SLC35F1: variants seen among roughly 807,000 people sequenced by gnomAD.
The protein encoded by SLC35F1 is chromosome 6 open reading frame 169.
A neutral mutation model predicts 48.7 loss-of-function variants in SLC35F1; 14 were observed. That is an observed-to-expected ratio of 0.29 (90% CI 0.19 to 0.45). The LOEUF is 0.45. SLC35F1 is among the 20% of genes least tolerant of loss of function. The probability of loss-of-function intolerance (pLI) is 1.00; values close to 1 mark genes in which losing one functional copy is unlikely to be tolerated. For missense variants in SLC35F1, 404 were observed against 500.0 expected, an observed-to-expected ratio of 0.81 and a Z score of 1.83; for synonymous variants, 190 against 202.2, an observed-to-expected ratio of 0.94 and a Z score of 0.51.
At chr6:118,136,161 A>T (rs1773791688) in intron 1 of SLC35F1, among the ~76,000 whole-genome samples, 1 of 152,164 alleles carries the variant, frequency 6.6e-6, no homozygotes, top group African/African-American at 2.4e-5. Context: ...TTAACTGGCC[A>T]TGGTGTACAG....
rs57832608 is a variant in SLC35F1 at position 118,309,169 on chromosome 6, ATGTGTGTGTGTGTG to A, written c.1003-4838_1003-4825del. 9.2e-3 allele frequency among the ~76,000 whole-genome samples: 1,369 copies of A among 148,192 alleles called. 25 individuals are homozygous for A. The highest frequency in any genetic ancestry group is 0.032 in the African/African-American group (1,303 of 40,316). ...TCAGGTCACCAGAAGGGGCCTGTAGATGTGTGTGTGTGTGTGTGTGTGTGTGTGTGTGTGCGTGT... is the reference window on the plus strand; with the variant it reads ...TCAGGTCACCAGAAGGGGCCTGTAGATGTGTGTGTGTGTGTGTGTGCGTGT... On this transcript the variant is annotated intron_variant, in intron 7 of 7. Transcript: ENST00000360388.
intron 2 of SLC35F1, among the ~76,000 whole-genome samples, chr6:118,230,157 T>C (rs1055035601): frequency 2.6e-5 from 4 of 152,024 alleles, no homozygotes; most frequent in Non-Finnish European, 5.9e-5. Flanking sequence ...CTGGCCAACA[T>C]GGTGAAACCT....
intron 1 of SLC35F1, among the ~76,000 whole-genome samples, chr6:117,913,059 T>C (rs1775783197): frequency 6.6e-6 from 1 of 152,224 alleles, no homozygotes; most frequent in East Asian, 1.9e-4. Flanking sequence ...TGTTTTATTA[T>C]GTAGTTGCCA....
intron 1 of SLC35F1, among the ~76,000 whole-genome samples, chr6:117,960,896 G>C (rs1776489137): frequency 6.6e-6 from 1 of 152,030 alleles, no homozygotes; most frequent in Non-Finnish European, 1.5e-5. Flanking sequence ...TCATTGACTG[G>C]GCTCTTTCCA....
At chr6:117,949,453 C>T (rs764284189) in intron 1 of SLC35F1, among the ~76,000 whole-genome samples, 4 of 151,946 alleles carry the variant, frequency 2.6e-5, no homozygotes, top group Non-Finnish European at 4.4e-5. Flanking sequence ...TTATTTTTTT[C>T]GAGTAGTTAT....
intron 3 of SLC35F1, among the ~76,000 whole-genome samples, chr6:118,247,365 G>A (rs1198244056): frequency 6.6e-6 from 1 of 152,122 alleles, no homozygotes; most frequent in Non-Finnish European, 1.5e-5. Context: ...TGCTAGATAG[G>A]AACAAAATTA....
intron 1 of SLC35F1, among the ~76,000 whole-genome samples, chr6:117,967,820 C>G (rs947000944): frequency 6.6e-6 from 1 of 152,102 alleles, no homozygotes; most frequent in African/African-American, 2.4e-5. Context: ...TTGGGGGAGC[C>G]ATTTCAATCC....
intron 1 of SLC35F1, among the ~76,000 whole-genome samples, chr6:118,112,081 TCTTTC>T (rs1562293428): frequency 7.6e-6 from 1 of 131,442 alleles, no homozygotes; most frequent in Non-Finnish European, 1.6e-5. Context: ...TTTCTTTATT[TCTTTC>T]TTTTCTTTTC....
At chr6:118,009,420 G>T (rs1777217264) in intron 1 of SLC35F1, among the ~76,000 whole-genome samples, 1 of 152,156 alleles carries the variant, frequency 6.6e-6, no homozygotes, top group Non-Finnish European at 1.5e-5. Flanking sequence ...AATGCCACCT[G>T]GTCCGGCTTG....
At chr6:118,275,840 T>C (rs1322809764) in intron 5 of SLC35F1, among the ~76,000 whole-genome samples, 1 of 152,192 alleles carries the variant, frequency 6.6e-6, no homozygotes, top group African/African-American at 2.4e-5. Flanking sequence ...TATAAAACAT[T>C]GTAAATAATT....
intron 2 of SLC35F1, among the ~76,000 whole-genome samples, chr6:118,218,462 A>T (rs1775103555): frequency 6.6e-6 from 1 of 152,140 alleles, no homozygotes; most frequent in Non-Finnish European, 1.5e-5. Context: ...ATTAGATCTA[A>T]GATGTAAGAA....
intron 1 of SLC35F1, among the ~76,000 whole-genome samples, chr6:117,941,231 T>A (rs1416419): frequency 0.76 from 115,804 of 152,030 alleles, 44,337 homozygotes; most frequent in South Asian, 0.89. Flanking sequence ...TGAAAGCTCT[T>A]GTACCTCTTG....
chr6:117,926,856 A>T (rs1776035411), intron 1 of SLC35F1, among the ~76,000 whole-genome samples: 1 of 152,138 alleles, frequency 6.6e-6, no homozygotes. Flanking sequence ...AGTGAATTTG[A>T]GTAGGGGAGC....
In SLC35F1 at chr6:117,938,965, C is replaced by T. The variant is rs374578456; in HGVS notation, c.173+31066C>T. On this transcript the variant is annotated intron_variant, in intron 1 of 7. Transcript: ENST00000360388. ...ATCCAGTGTCCATTCCTTTTACTTCCGAAGTTCTACCAGATATGCCTGTAT... is the reference window on the plus strand; with the variant it reads ...ATCCAGTGTCCATTCCTTTTACTTCTGAAGTTCTACCAGATATGCCTGTAT... Among the ~76,000 whole-genome samples, 10 of 151,118 alleles carry T rather than the reference C, an allele frequency of 6.6e-5. No individual in the cohort carries two copies. The South Asian group carries it at 1.5e-3, about 22-fold the overall frequency.
intron 2 of SLC35F1, among the ~76,000 whole-genome samples, chr6:118,160,966 T>A (rs776740949): frequency 2.0e-5 from 3 of 151,902 alleles, no homozygotes; most frequent in Non-Finnish European, 2.9e-5. Flanking sequence ...GTAATTGTTG[T>A]TTCTTCCAAC....
intron 4 of SLC35F1, among the ~76,000 whole-genome samples, chr6:118,268,892 A>G (rs1450396424): frequency 6.6e-6 from 1 of 152,022 alleles, no homozygotes; most frequent in Admixed American, 6.6e-5. Flanking sequence ...TTACAGGCAT[A>G]AGCCACTGCG....
At chr6:118,034,559 A>AAATAAATC (rs1437758678) in intron 1 of SLC35F1, among the ~76,000 whole-genome samples, 2 of 151,012 alleles carry the variant, frequency 1.3e-5, no homozygotes, top group East Asian at 3.9e-4. Flanking sequence ...CTCTATCACA[A>AAATAAATC]AATAAATAAA....
At chr6:118,173,429 G>A (rs545535651) in intron 2 of SLC35F1, among the ~76,000 whole-genome samples, 4 of 151,034 alleles carry the variant, frequency 2.6e-5, no homozygotes, top group Non-Finnish European at 5.9e-5. Context: ...AAAACTTTAG[G>A]TTTTAATGGC....
chr6:118,266,976 C>T lies in SLC35F1; in HGVS notation c.478-19C>T. ...CTCCTGAATCTCCTGTTGTTGTTTA[C>T]CTTCATCCCTCCCAATAGCTCCTGG... is the stretch of plus-strand genomic sequence containing the variant. On this transcript the variant is annotated intron_variant, in intron 3 of 7. Coordinates refer to ENST00000360388, the MANE Select transcript of SLC35F1 (RefSeq NM_001029858.4). 6.2e-7 allele frequency: 1 copy of T among 1,612,784 alleles called. No homozygotes were observed. The highest frequency in any genetic ancestry group is 1.7e-4 in the Middle Eastern group (1 of 6,050).
Sources: gnomAD v4.1 joint callset for allele counts (sites outside exome capture counted in the v4.1 genomes callset) on GRCh38, gnomAD v4.1.1 for gene constraint, MANE v1.5 for transcripts, NCBI Gene and HGNC (gene_info 2026-07-23, HGNC 2026-07-21) for gene names.